The following PLPPR1 variants were observed in gnomAD, a reference collection of about 807,000 sequenced individuals.
PLPPR1 encodes phospholipid phosphatase-related protein type 1.
A neutral mutation model predicts 33.1 loss-of-function variants in PLPPR1; 10 were observed. The ratio of observed to expected loss-of-function variants is 0.30; its 90% CI spans 0.19 to 0.51. PLPPR1 has a LOEUF of 0.51. Among genes scored for constraint, PLPPR1 ranks in the 20% least tolerant of loss-of-function variants. The pLI, the probability that PLPPR1 is intolerant of heterozygous loss-of-function variation, is 0.97. For missense variants in PLPPR1, 304 were observed against 408.1 expected (o/e 0.74, Z 2.20); for synonymous variants, 151 against 151.0 (o/e 1.00, Z 0.00).
chr9:101,192,994 G>C (rs1826324155), intron 2 of PLPPR1, among the ~76,000 whole-genome samples: 1 of 152,126 alleles, frequency 6.6e-6, no homozygotes, highest in Admixed American at 6.6e-5. Context: ...TCTAAAATGA[G>C]CTATGGTTTC....
intron 3 of PLPPR1, among the ~76,000 whole-genome samples, chr9:101,272,771 A>C (rs937338285): frequency 1.3e-5 from 2 of 152,226 alleles, no homozygotes; most frequent in Non-Finnish European, 2.9e-5. Context: ...AAATGTTTTC[A>C]AAGAACTTAG....
At chr9:101,032,718 G>A (rs1444031585) in intron 1 of PLPPR1, among the ~76,000 whole-genome samples, 3 of 152,220 alleles carry the variant, frequency 2.0e-5, no homozygotes, top group Non-Finnish European at 2.9e-5. Context: ...TTTCTCCAAC[G>A]TGATCAACTG....
intron 2 of PLPPR1, among the ~76,000 whole-genome samples, chr9:101,239,188 G>A (rs1827399167): frequency 6.6e-6 from 1 of 151,814 alleles, no homozygotes. Context: ...AAACGTGGGG[G>A]TGCAGGTATC....
chr9:101,066,806 CTGG>C (rs1830423715), intron 1 of PLPPR1, among the ~76,000 whole-genome samples: 1 of 151,938 alleles, frequency 6.6e-6, no homozygotes, highest in South Asian at 2.1e-4. Context: ...TCAAGGATTC[CTGG>C]TCCTTTAATT....
intron 1 of PLPPR1, among the ~76,000 whole-genome samples, chr9:101,133,602 A>G (rs1831342161): frequency 6.6e-6 from 1 of 152,244 alleles, no homozygotes; most frequent in Non-Finnish European, 1.5e-5. Context: ...TGACATATAC[A>G]GGTGCTTAGT....
intron 2 of PLPPR1, among the ~76,000 whole-genome samples, chr9:101,267,836 C>T (rs1490896607): frequency 6.6e-6 from 1 of 152,096 alleles, no homozygotes; most frequent in Non-Finnish European, 1.5e-5. Context: ...TGATGCCTTT[C>T]CTCTTTGGTA....
At chr9:101,198,169 C>T (rs1826432245) in intron 2 of PLPPR1, among the ~76,000 whole-genome samples, 1 of 152,166 alleles carries the variant, frequency 6.6e-6, no homozygotes, top group East Asian at 1.9e-4. Flanking sequence ...GTAGCTCTGG[C>T]CAGCATACCC....
chr9:101,272,879 A>G (rs1220829313), intron 3 of PLPPR1, among the ~76,000 whole-genome samples: 1 of 152,202 alleles, frequency 6.6e-6, no homozygotes, highest in Non-Finnish European at 1.5e-5. Flanking sequence ...ATGTATTAAG[A>G]GCTTAATAAA....
chr9:101,140,358 G>A (rs1224936833), intron 1 of PLPPR1, among the ~76,000 whole-genome samples: 1 of 152,174 alleles, frequency 6.6e-6, no homozygotes, highest in Non-Finnish European at 1.5e-5. Context: ...GACTCTGGTT[G>A]TTACTGAGCA....
intron 1 of PLPPR1, among the ~76,000 whole-genome samples, chr9:101,178,757 C>T (rs117451395): frequency 0.023 from 3,556 of 152,214 alleles, 48 homozygotes; most frequent in African/African-American, 0.048. Flanking sequence ...ATGTATGCTC[C>T]GAATCAGTGT....
intron 2 of PLPPR1, among the ~76,000 whole-genome samples, chr9:101,210,619 A>G (rs899772057): frequency 6.6e-6 from 1 of 152,248 alleles, no homozygotes; most frequent in African/African-American, 2.4e-5. Context: ...TTTTGTTGAT[A>G]AAAATGGAGA....
At chr9:101,176,006 A>C (rs1479119415) in intron 1 of PLPPR1, among the ~76,000 whole-genome samples, 1 of 152,236 alleles carries the variant, frequency 6.6e-6, no homozygotes, top group Non-Finnish European at 1.5e-5. Flanking sequence ...GTGACTTCTC[A>C]GGATTTTCTT....
chr9:101,136,125 C>A (rs1287562144), intron 1 of PLPPR1, among the ~76,000 whole-genome samples: 1 of 152,188 alleles, frequency 6.6e-6, no homozygotes, highest in East Asian at 1.9e-4. Context: ...TCTTACCTCA[C>A]CTCCTCCTCC....
Position 101,131,194 on chromosome 9 carries a change from C to G in PLPPR1, c.-45-54256C>G, listed in dbSNP as rs1433970059. On this transcript the variant is annotated intron_variant, in intron 1 of 7. Transcript: ENST00000374874. ...CATTGCCTATTGTAATGCCCTGGTACAGCATTCTGTAAACTCATTCTGGAA... is the reference window on the plus strand; with the variant it reads ...CATTGCCTATTGTAATGCCCTGGTAGAGCATTCTGTAAACTCATTCTGGAA... 4.6e-5 allele frequency among the ~76,000 whole-genome samples: 7 copies of G among 152,198 alleles called. No homozygotes were observed. In the South Asian group the frequency reaches 1.0e-3, roughly 23 times the overall value.
At chr9:101,261,113 AG>A (rs1327521361) in intron 2 of PLPPR1, among the ~76,000 whole-genome samples, 1 of 152,188 alleles carries the variant, frequency 6.6e-6, no homozygotes, top group Non-Finnish European at 1.5e-5. Flanking sequence ...CAGTGTAAAA[AG>A]AACAGTTAAA....
intron 4 of PLPPR1, among the ~76,000 whole-genome samples, chr9:101,293,255 A>G (rs1010353772): frequency 6.6e-6 from 1 of 151,630 alleles, no homozygotes; most frequent in Non-Finnish European, 1.5e-5. Context: ...AGAGCTAACT[A>G]TCCTAAATAT....
intron 1 of PLPPR1, among the ~76,000 whole-genome samples, chr9:101,132,608 A>G (rs778248541): frequency 6.6e-6 from 1 of 152,180 alleles, no homozygotes; most frequent in Non-Finnish European, 1.5e-5. Flanking sequence ...CACATATCCA[A>G]ACCCAAAGAA....
rs1828680745 is a variant in PLPPR1 at position 101,298,007 on chromosome 9, ATTATT to A, written c.386-11203_386-11199del. ...TGAGTAAATATTTTTGTAAATATAA[ATTATT>A]AAACAGTAACTTTTTAATACTGAAA... On this transcript the variant is annotated intron_variant, in intron 4 of 7. Transcript: ENST00000374874. Among the ~76,000 whole-genome samples, 5 of 152,214 alleles carry A rather than the reference ATTATT, an allele frequency of 3.3e-5. No homozygotes were observed. The South Asian group carries it at 1.0e-3, about 32-fold the overall frequency.
chr9:101,202,954 A>G (rs1826519424), intron 2 of PLPPR1, among the ~76,000 whole-genome samples: 1 of 152,230 alleles, frequency 6.6e-6, no homozygotes, highest in Non-Finnish European at 1.5e-5. Flanking sequence ...AGGGCAGGGC[A>G]CTAGCTGCCT....
Sources: allele counts gnomAD v4.1 joint callset (sites outside exome capture counted in the v4.1 genomes callset), GRCh38; gene constraint gnomAD v4.1.1; transcripts MANE v1.5; gene names NCBI Gene and HGNC (gene_info 2026-07-23, HGNC 2026-07-21).